Variants in SLC35F3 observed in about 807,000 individuals in gnomAD.
SLC35F3 encodes the protein putative thiamine transporter SLC35F3.
A neutral mutation model predicts 49.9 loss-of-function variants in SLC35F3; 25 were observed. The observed-to-expected ratio is 0.50, with a 90% CI of 0.37 to 0.70. The LOEUF is 0.70. SLC35F3 is among the 30% of genes least tolerant of loss of function. The pLI is 0.00. For synonymous variants in SLC35F3, 275 were observed against 265.4 expected, an observed-to-expected ratio of 1.04 and a Z score of -0.35; for missense variants, 525 against 639.8, an observed-to-expected ratio of 0.82 and a Z score of 1.94.
chr1:234,197,050 A>T (rs570868695), intron 2 of SLC35F3, among the ~76,000 whole-genome samples: 2 of 152,260 alleles, frequency 1.3e-5, no homozygotes, highest in East Asian at 3.8e-4. Flanking sequence ...CTGAGCTTCA[A>T]TCTGATTAAT....
intron 2 of SLC35F3, among the ~76,000 whole-genome samples, chr1:234,060,577 G>A (rs1161973264): frequency 6.6e-6 from 1 of 152,046 alleles, no homozygotes; most frequent in Non-Finnish European, 1.5e-5. Flanking sequence ...CTCCCGAATA[G>A]CTGGAACCAC....
chr1:234,245,893 T>G (rs1667624162), intron 3 of SLC35F3, among the ~76,000 whole-genome samples: 1 of 152,176 alleles, frequency 6.6e-6, no homozygotes, highest in Non-Finnish European at 1.5e-5. Context: ...CCATTCCTTT[T>G]AGGACCTAGC....
intron 3 of SLC35F3, among the ~76,000 whole-genome samples, chr1:234,270,730 A>G (rs574474136): frequency 5.0e-4 from 76 of 152,324 alleles, no homozygotes; most frequent in African/African-American, 1.7e-3. Flanking sequence ...GCGAGACAAA[A>G]AGGCAACTGA....
intron 4 of SLC35F3, among the ~76,000 whole-genome samples, chr1:234,314,498 T>C (rs888031566): frequency 6.6e-6 from 1 of 152,198 alleles, no homozygotes; most frequent in Non-Finnish European, 1.5e-5. Context: ...CAGTGGCTCA[T>C]GCCTATAATC....
intron 3 of SLC35F3, among the ~76,000 whole-genome samples, chr1:234,300,817 G>A (rs1233742329): frequency 6.6e-6 from 1 of 152,248 alleles, no homozygotes; most frequent in Non-Finnish European, 1.5e-5. Flanking sequence ...CAGATTGGAG[G>A]AGGGACAGCA....
At chr1:233,970,926 A>T (rs960956003) in intron 2 of SLC35F3, among the ~76,000 whole-genome samples, 17 of 152,224 alleles carry the variant, frequency 1.1e-4, no homozygotes, top group Admixed American at 1.1e-3. Flanking sequence ...ACTGTGTTCA[A>T]TTCCTAAACT....
intron 3 of SLC35F3, among the ~76,000 whole-genome samples, chr1:234,276,801 G>GA (rs1462826399): frequency 2.0e-5 from 3 of 152,176 alleles, no homozygotes; most frequent in Non-Finnish European, 4.4e-5. Flanking sequence ...ATGTCATGCA[G>GA]AAAAATAGCG....
chr1:234,312,670 G>A (rs1657385329), intron 4 of SLC35F3, among the ~76,000 whole-genome samples: 1 of 152,132 alleles, frequency 6.6e-6, no homozygotes, highest in Admixed American at 6.5e-5. Flanking sequence ...AGTAATCCTT[G>A]AGTCAATGAG....
intron 2 of SLC35F3, among the ~76,000 whole-genome samples, chr1:234,100,193 C>G (rs1289935919): frequency 6.6e-6 from 1 of 152,206 alleles, no homozygotes; most frequent in African/African-American, 2.4e-5. Context: ...ATTATCATCA[C>G]TATTCCACCC....
intron 2 of SLC35F3, among the ~76,000 whole-genome samples, chr1:234,123,902 GGAAGAGACAGT>G (rs1270378075): frequency 6.6e-6 from 1 of 152,172 alleles, no homozygotes; most frequent in Non-Finnish European, 1.5e-5. Flanking sequence ...CATTTGTTCT[GGAAGAGACAGT>G]TATTCATTTA....
rs1205632959 is a variant in SLC35F3 at position 234,323,426 on chromosome 1, A to G, written c.*183A>G. ...ATCAGACCTTCCACTTAAGGGTACC[A>G]ATTCAATACAAAAGAGAAAAGAAGA... is the stretch of plus-strand genomic sequence containing the variant. On this transcript the variant is annotated 3_prime_UTR_variant, in exon 8 of 8. Transcript: ENST00000366618. The surrounding 1 kb of genome is among the most constrained non-coding windows in gnomAD (Gnocchi z 4.5). 19 of 596,684 alleles carry G rather than the reference A, an allele frequency of 3.2e-5. No individual in the cohort carries two copies. The highest frequency in any genetic ancestry group is 4.1e-4 in the Middle Eastern group (1 of 2,452). 37.0% of individuals were successfully genotyped at this position (596,684 alleles called of 1,614,324 possible). A position where few individuals can be genotyped will look rare whatever the true frequency, so the allele number is the denominator to read the frequency against.
chr1:234,245,397 C>T (rs1202503849), intron 3 of SLC35F3, among the ~76,000 whole-genome samples: 5 of 152,182 alleles, frequency 3.3e-5, no homozygotes, highest in Non-Finnish European at 7.3e-5. Context: ...GATTCCATAT[C>T]TTGGCTGTTG....
At chr1:234,197,960 C>T (rs566485287) in intron 2 of SLC35F3, among the ~76,000 whole-genome samples, 6 of 152,340 alleles carry the variant, frequency 3.9e-5, no homozygotes, top group Non-Finnish European at 7.3e-5. Flanking sequence ...CTCCAATAAG[C>T]TACACAAACT....
chr1:234,289,317 T>C (rs1668471137), intron 3 of SLC35F3, among the ~76,000 whole-genome samples: 1 of 152,202 alleles, frequency 6.6e-6, no homozygotes, highest in Non-Finnish European at 1.5e-5. Context: ...AAATACATAC[T>C]GTTCTTGAAA....
intron 2 of SLC35F3, among the ~76,000 whole-genome samples, chr1:233,908,133 G>A (rs1009139854): frequency 6.6e-6 from 1 of 151,652 alleles, no homozygotes; most frequent in Non-Finnish European, 1.5e-5. Flanking sequence ...TGCTTTATTT[G>A]TTGGTTGGTA....
intron 2 of SLC35F3, among the ~76,000 whole-genome samples, chr1:234,100,366 A>C (rs1360724239): frequency 6.6e-6 from 1 of 152,198 alleles, no homozygotes; most frequent in Non-Finnish European, 1.5e-5. Context: ...TATTATTTAG[A>C]TGCACCTATA....
intron 2 of SLC35F3, among the ~76,000 whole-genome samples, chr1:234,218,005 G>A (rs1667149035): frequency 6.6e-6 from 1 of 152,212 alleles, no homozygotes; most frequent in African/African-American, 2.4e-5. Context: ...TGGATGCTAG[G>A]GCTCAGCCCA....
intron 2 of SLC35F3, among the ~76,000 whole-genome samples, chr1:233,921,782 C>G (rs1051484281): frequency 4.6e-5 from 7 of 151,828 alleles, no homozygotes; most frequent in African/African-American, 1.2e-4. Context: ...AGGTATTTCT[C>G]CTAATGCTAT....
chr1:234,227,209 A>C (rs546716075), intron 2 of SLC35F3, among the ~76,000 whole-genome samples: 1 of 152,302 alleles, frequency 6.6e-6, no homozygotes, highest in South Asian at 2.1e-4. Context: ...CAAGATTAGA[A>C]TTTAAGGCAC....
Sources: allele counts gnomAD v4.1 joint callset (sites outside exome capture counted in the v4.1 genomes callset), GRCh38; gene constraint gnomAD v4.1.1; non-coding constraint Gnocchi (gnomAD v3.1); transcripts MANE v1.5; gene names NCBI Gene and HGNC (gene_info 2026-07-23, HGNC 2026-07-21).